The following LRP1B variants were observed in gnomAD, a reference collection of about 807,000 sequenced individuals.
LRP1B encodes the protein LDL receptor related protein 1B.
In LRP1B, 217 loss-of-function variants were observed where a neutral mutation model predicts 556.6. The ratio of observed to expected loss-of-function variants is 0.39; its 90% confidence interval spans 0.35 to 0.44. LRP1B has a LOEUF of 0.44. Among genes scored for constraint, LRP1B ranks in the 20% least tolerant of loss-of-function variants. The probability of loss-of-function intolerance (pLI) is 1.00; values close to 1 mark genes in which losing one functional copy is unlikely to be tolerated. For synonymous variants in LRP1B, 2,047 were observed against 1,865.8 expected, an observed-to-expected ratio of 1.10 and a Z score of -2.50; for missense variants, 5,053 against 5,620.8, an observed-to-expected ratio of 0.90 and a Z score of 3.23.
At chr2:141,250,801 G>C (rs1001337704) in intron 4 of LRP1B, among the ~76,000 whole-genome samples, 1 of 152,096 alleles carries the variant, frequency 6.6e-6, no homozygotes, top group African/African-American at 2.4e-5. Context: ...CACCCAGTTA[G>C]TATTAGAGAA....
chr2:141,226,124 C>CAAA (rs1553479115), intron 6 of LRP1B, among the ~76,000 whole-genome samples: 13 of 150,990 alleles, frequency 8.6e-5, no homozygotes, highest in Admixed American at 3.3e-4. Context: ...TTTTCCCCCC[C>CAAA]AAAAAAAACC....
chr2:140,589,745 A>G (rs968563209), intron 43 of LRP1B, among the ~76,000 whole-genome samples: 2 of 152,228 alleles, frequency 1.3e-5, no homozygotes, highest in African/African-American at 4.8e-5. Flanking sequence ...TTTCTTTATA[A>G]AGAAGTTATA....
chr2:140,352,949 T>C lies in LRP1B; in HGVS notation c.11650+4A>G, dbSNP rs1379900749. On this transcript the variant is annotated splice_donor_region_variant and intron_variant, in intron 76 of 90. Transcript: ENST00000389484. ...AGGATTTGCAATAGTGGTTATAATC[T>C]TACCTTCTGCTATGCAGGTGTTATT... 2 of 1,609,856 alleles carry C rather than the reference T, an allele frequency of 1.2e-6. No individual in the cohort carries two copies. Among genetic ancestry groups the C allele is most frequent in the Admixed American group, 1.7e-5 (1 of 59,402 alleles).
chr2:141,761,080 A>G (rs1694528101), intron 2 of LRP1B, among the ~76,000 whole-genome samples: 1 of 152,190 alleles, frequency 6.6e-6, no homozygotes. Context: ...ACGTTTTATA[A>G]TGCTGAAATA....
At chr2:141,385,193 T>C (rs2104894712) in intron 3 of LRP1B, among the ~76,000 whole-genome samples, 1 of 152,180 alleles carries the variant, frequency 6.6e-6, no homozygotes, top group Non-Finnish European at 1.5e-5. Context: ...TAACCACTAA[T>C]AAAATACCTG....
At chr2:140,318,255 CTGTT>C (rs1391523686) in intron 82 of LRP1B, among the ~76,000 whole-genome samples, 1 of 152,076 alleles carries the variant, frequency 6.6e-6, no homozygotes, top group Non-Finnish European at 1.5e-5. Context: ...ATGGTCCAAA[CTGTT>C]TATTTTTCAA....
At chr2:140,502,113 A>G (rs889179571) in intron 54 of LRP1B, among the ~76,000 whole-genome samples, 1 of 152,048 alleles carries the variant, frequency 6.6e-6, no homozygotes, top group African/African-American at 2.4e-5. Flanking sequence ...AAAATTAATT[A>G]TCAAAATAAA....
At chr2:141,567,305 A>G (rs1219728703) in intron 2 of LRP1B, among the ~76,000 whole-genome samples, 1 of 152,164 alleles carries the variant, frequency 6.6e-6, no homozygotes, top group Non-Finnish European at 1.5e-5. Context: ...TGCAATAATT[A>G]TATATAAAAT....
At chr2:140,816,303 A>T (rs1691121865) in intron 31 of LRP1B, among the ~76,000 whole-genome samples, 1 of 151,962 alleles carries the variant, frequency 6.6e-6, no homozygotes, top group Admixed American at 6.6e-5. Context: ...TTTTTAGTAG[A>T]GATGGGGTTT....
intron 1 of LRP1B, among the ~76,000 whole-genome samples, chr2:142,112,697 G>A (rs1164133839): frequency 6.6e-6 from 1 of 152,046 alleles, no homozygotes. Context: ...TGTTTCTGGT[G>A]TTTAAGCCTC....
intron 2 of LRP1B, among the ~76,000 whole-genome samples, chr2:141,535,178 C>G (rs1685031037): frequency 6.6e-6 from 1 of 152,134 alleles, no homozygotes; most frequent in Non-Finnish European, 1.5e-5. Context: ...ACTTTAAATA[C>G]TCAGGCTTGA....
At chr2:141,685,143 G>A (rs1691249195) in intron 2 of LRP1B, among the ~76,000 whole-genome samples, 1 of 151,718 alleles carries the variant, frequency 6.6e-6, no homozygotes, top group South Asian at 2.1e-4. Flanking sequence ...TTTTAAAATA[G>A]GAATATCTCT....
intron 2 of LRP1B, among the ~76,000 whole-genome samples, chr2:141,737,694 A>ACACTC (rs2105533216): frequency 6.6e-6 from 1 of 152,284 alleles, no homozygotes; most frequent in Non-Finnish European, 1.5e-5. Flanking sequence ...TTGCTTTCTC[A>ACACTC]CACTCACAGA....
intron 7 of LRP1B, among the ~76,000 whole-genome samples, chr2:141,142,182 A>G (rs1319499958): frequency 6.6e-6 from 1 of 152,196 alleles, no homozygotes; most frequent in African/African-American, 2.4e-5. Flanking sequence ...ACGTGAAAGA[A>G]CCTTGACACC....
At chr2:140,461,801 T>A (rs1371920577) in intron 60 of LRP1B, among the ~76,000 whole-genome samples, 1 of 151,698 alleles carries the variant, frequency 6.6e-6, no homozygotes, top group Non-Finnish European at 1.5e-5. Flanking sequence ...GCCATTGCAC[T>A]CAAGCCTGGT....
At chr2:140,755,012 A>T (rs960136193) in intron 35 of LRP1B, among the ~76,000 whole-genome samples, 1 of 133,050 alleles carries the variant, frequency 7.5e-6, no homozygotes, top group Non-Finnish European at 1.6e-5. Context: ...GTAGATACAG[A>T]AATAAAAAAA....
chr2:142,012,372 T>C (rs1349195423), intron 1 of LRP1B, among the ~76,000 whole-genome samples: 2 of 152,170 alleles, frequency 1.3e-5, no homozygotes, highest in African/African-American at 4.8e-5. Context: ...TCTTACAAAA[T>C]CTGTGCTTAG....
chr2:141,119,451 T>G (rs577974710), intron 7 of LRP1B, among the ~76,000 whole-genome samples: 47 of 151,930 alleles, frequency 3.1e-4, no homozygotes, highest in African/African-American at 1.1e-3. Context: ...CATATTTGTC[T>G]CATACTAAAG....
intron 41 of LRP1B, among the ~76,000 whole-genome samples, chr2:140,608,820 T>C (rs1221284209): frequency 1.3e-5 from 2 of 150,230 alleles, no homozygotes; most frequent in Non-Finnish European, 2.9e-5. Flanking sequence ...AAAGTGACAG[T>C]GATTTGTTTC....
Sources: gnomAD v4.1 joint callset for allele counts (sites outside exome capture counted in the v4.1 genomes callset) on GRCh38, gnomAD v4.1.1 for gene constraint, MANE v1.5 for transcripts, NCBI Gene and HGNC (gene_info 2026-07-23, HGNC 2026-07-21) for gene names.